The following DGKH variants were observed in gnomAD, a reference collection of about 807,000 sequenced individuals.
DGKH encodes the protein diacylglycerol kinase eta, also known as DAG kinase eta.
In DGKH, 90 loss-of-function variants were observed where a neutral mutation model predicts 159.3. That is an observed-to-expected ratio of 0.57 (90% CI 0.48 to 0.67). The LOEUF (loss-of-function observed/expected upper bound fraction) is 0.67, where lower values mean the gene tolerates loss of function less well. Ranked by LOEUF, DGKH falls within the 30% of genes least tolerant of loss-of-function variation. The pLI is 0.00. For missense variants in DGKH, 1,181 were observed against 1,506.1 expected (o/e 0.78, Z 3.57); for synonymous variants, 536 against 553.8 (o/e 0.97, Z 0.45).
chr13:42,123,471 A>G (rs1360361997), intron 1 of DGKH, among the ~76,000 whole-genome samples: 1 of 152,200 alleles, frequency 6.6e-6, no homozygotes, highest in African/African-American at 2.4e-5. Context: ...GATTCATAAA[A>G]GAAAAAAATT....
intron 1 of DGKH, among the ~76,000 whole-genome samples, chr13:42,058,401 A>G (rs1881911968): frequency 6.6e-6 from 1 of 152,198 alleles, no homozygotes; most frequent in Admixed American, 6.5e-5. Context: ...CTGAATACAC[A>G]ATATAATTCC....
At position 42,229,340 on chromosome 13, in the gene DGKH, G is replaced by T; in HGVS notation, c.*152G>T. On this transcript the variant is annotated 3_prime_UTR_variant, in exon 30 of 30. Transcript: ENST00000337343. ...GATATTTTGCTGTGGGTGAAATTTT[G>T]ATTTGAGGTATTAGAAAATATTTTT... 1 of 636,104 alleles carries T rather than the reference G, an allele frequency of 1.6e-6. No homozygotes were observed. The highest frequency in any genetic ancestry group is 2.6e-6 in the Non-Finnish European group (1 of 381,976). The allele number at this position is 636,104 out of a possible 1,614,324, so 39.4% of individuals were successfully genotyped here. A position where few individuals can be genotyped will look rare whatever the true frequency, so the allele number is the denominator to read the frequency against.
intron 14 of DGKH, among the ~76,000 whole-genome samples, chr13:42,188,529 G>T (rs903761135): frequency 2.6e-5 from 4 of 152,110 alleles, no homozygotes; most frequent in Admixed American, 2.6e-4. Flanking sequence ...CATTTATGAC[G>T]CTCAAAATGG....
intron 1 of DGKH, among the ~76,000 whole-genome samples, chr13:42,040,757 GGGC>G (rs895060894): frequency 6.7e-6 from 1 of 148,944 alleles, no homozygotes; most frequent in Non-Finnish European, 1.5e-5. Context: ...CGGGGAGCCG[GGGC>G]GGCGGCGGCG....
At chr13:42,198,116 C>T (rs754159639) in intron 17 of DGKH, among the ~76,000 whole-genome samples, 2 of 152,028 alleles carry the variant, frequency 1.3e-5, no homozygotes, top group African/African-American at 2.4e-5. Context: ...TGGGTAATTC[C>T]GCCTTTATTG....
At chr13:42,125,503 GGT>G (rs1955152673) in intron 1 of DGKH, among the ~76,000 whole-genome samples, 1 of 152,144 alleles carries the variant, frequency 6.6e-6, no homozygotes, top group Non-Finnish European at 1.5e-5. Context: ...AATTTGTCCA[GGT>G]TCATACTGTT....
rs1958369085 is a variant in DGKH at position 42,234,297 on chromosome 13, A to G, written c.*5109A>G. Reference sequence around the variant, plus strand: ...CAATATTTTTGTCTTCATGGAACTTATTTTTAACAGGAATCAAGGAAGAAA... The same window carrying G: ...CAATATTTTTGTCTTCATGGAACTTGTTTTTAACAGGAATCAAGGAAGAAA... On this transcript the variant is annotated 3_prime_UTR_variant, in exon 30 of 30. Coordinates refer to ENST00000337343, the MANE Select transcript of DGKH (RefSeq NM_178009.5). 1 of 152,194 alleles carries G rather than the reference A, an allele frequency of 6.6e-6. No individual in the cohort carries two copies. Among genetic ancestry groups the G allele is most frequent in the African/African-American group, 2.4e-5 (1 of 41,460 alleles). 9.4% of individuals were successfully genotyped at this position (152,194 alleles called of 1,614,324 possible). A position where few individuals can be genotyped will look rare whatever the true frequency, so the allele number is the denominator to read the frequency against.
At chr13:42,224,467 T>C (rs1958066442) in intron 29 of DGKH, among the ~76,000 whole-genome samples, 1 of 152,252 alleles carries the variant, frequency 6.6e-6, no homozygotes, top group Admixed American at 6.5e-5. Flanking sequence ...ATAAGATCAA[T>C]AGCTTCCTAA....
At chr13:42,228,003 T>G (rs1958177237) in intron 29 of DGKH, among the ~76,000 whole-genome samples, 2 of 152,174 alleles carry the variant, frequency 1.3e-5, no homozygotes, top group African/African-American at 2.4e-5. Flanking sequence ...TATTTCAATT[T>G]TTTTGGAAGA....
intron 24 of DGKH, among the ~76,000 whole-genome samples, chr13:42,211,116 A>T (rs1957647338): frequency 6.6e-6 from 1 of 152,222 alleles, no homozygotes; most frequent in African/African-American, 2.4e-5. Context: ...CACACATAAC[A>T]TTAATTCCAA....
At chr13:42,211,547 A>T (rs1594215896) in intron 24 of DGKH, among the ~76,000 whole-genome samples, 1 of 151,914 alleles carries the variant, frequency 6.6e-6, no homozygotes, top group Non-Finnish European at 1.5e-5. Context: ...AAAATACAAA[A>T]ATTTGCCGTG....
chr13:42,169,636 C>T (rs1024141129), intron 11 of DGKH, among the ~76,000 whole-genome samples: 3 of 152,034 alleles, frequency 2.0e-5, no homozygotes, highest in Non-Finnish European at 2.9e-5. Flanking sequence ...GAACTCTTCC[C>T]GAAAATAACA....
At chr13:42,064,278 T>C (rs986578976) in intron 1 of DGKH, among the ~76,000 whole-genome samples, 3 of 152,112 alleles carry the variant, frequency 2.0e-5, no homozygotes, top group Non-Finnish European at 4.4e-5. Flanking sequence ...AGGAAAGGTA[T>C]GAAATGCTTG....
Position 42,234,436 on chromosome 13 carries a change from T to C in DGKH, c.*5248T>C, listed in dbSNP as rs9594718. 20,127 of 152,208 alleles carry C rather than the reference T, an allele frequency of 0.13. 1,698 individuals are homozygous for C. The highest frequency in any genetic ancestry group is 0.23 in the Admixed American group (3,535 of 15,284). The allele number at this position is 152,208 out of a possible 1,614,324, so 9.4% of individuals were successfully genotyped here. ...GCTGTCAACATAGTGGACTTTCATG[T>C]TCTATGGATATGAATTCTTTAAGGA... On this transcript the variant is annotated 3_prime_UTR_variant, in exon 30 of 30. Transcript: ENST00000337343.
intron 30 of DGKH, among the ~76,000 whole-genome samples, chr13:42,253,893 A>G (rs1441933206): frequency 2.0e-5 from 3 of 152,002 alleles, no homozygotes; most frequent in African/African-American, 7.3e-5. Flanking sequence ...CTAAATACCC[A>G]TTGGATTTTG....
chr13:42,170,897 C>T (rs1318200918), intron 11 of DGKH, among the ~76,000 whole-genome samples: 1 of 147,912 alleles, frequency 6.8e-6, no homozygotes, highest in Non-Finnish European at 1.5e-5. Context: ...GAGCCAAGAT[C>T]ATGCCAATGC....
intron 1 of DGKH, chr13:42,069,502 A>AT: frequency 6.3e-7 from 1 of 1,580,682 alleles, no homozygotes; most frequent in Non-Finnish European, 8.7e-7. Context: ...AGTTCCTGCA[A>AT]TAAAGGAATG....
intron 1 of DGKH, among the ~76,000 whole-genome samples, chr13:42,071,300 T>C (rs1882952732): frequency 6.6e-6 from 1 of 152,186 alleles, no homozygotes; most frequent in Admixed American, 6.5e-5. Flanking sequence ...AAAGCTCTAC[T>C]CATGTTGAGA....
downstream of DGKH, among the ~76,000 whole-genome samples, chr13:42,247,509 G>C (rs1958591201): frequency 9.9e-6 from 1 of 101,468 alleles, no homozygotes; most frequent in Non-Finnish European, 2.1e-5. Context: ...GGGATTACAG[G>C]CGTGAGCCAC....
Sources: allele counts gnomAD v4.1 joint callset (sites outside exome capture counted in the v4.1 genomes callset), GRCh38; gene constraint gnomAD v4.1.1; transcripts MANE v1.5; gene names NCBI Gene and HGNC (gene_info 2026-07-23, HGNC 2026-07-21).